KTN1: variants seen among roughly 807,000 people sequenced by gnomAD.
The protein encoded by KTN1 is kinectin.
Under a neutral mutation model 222.5 loss-of-function variants are expected in KTN1, and 130 were observed. The observed-to-expected ratio is 0.58, with a 90% CI of 0.51 to 0.68. The LOEUF is 0.68. KTN1 is among the 30% of genes least tolerant of loss of function. The probability of loss-of-function intolerance (pLI) is 0.00; values close to 1 mark genes in which losing one functional copy is unlikely to be tolerated. For synonymous variants in KTN1, 512 were observed against 496.3 expected (o/e 1.03, Z -0.42); for missense variants, 1,508 against 1,500.4 (o/e 1.01, Z -0.08).
At chr14:55,589,369 GCTCACTGCAACCTCTGA>G (rs1442188177) in intron 1 of KTN1, among the ~76,000 whole-genome samples, 14 of 151,960 alleles carry the variant, frequency 9.2e-5, no homozygotes, top group African/African-American at 3.4e-4. Flanking sequence ...TACAATCTTG[GCTCACTGCAACCTCTGA>G]CTCACTGCAA....
intron 9 of KTN1, 144 bp downstream of exon 9, chr14:55,634,802 G>A: frequency 1.7e-6 from 1 of 605,068 alleles, no homozygotes; most frequent in Non-Finnish European, 2.7e-6. Flanking sequence ...ACATGGCTGG[G>A]GAGGCCTCAG....
chr14:55,639,883 T>C, intron 13 of KTN1, 30 bp from the exon 14 acceptor site: 2 of 1,325,984 alleles, frequency 1.5e-6, no homozygotes, highest in Non-Finnish European at 2.2e-6. Context: ...TGAATGTTTA[T>C]TGAATGTACA....
At chr14:55,681,857 C>T (rs567667924) in intron 43 of KTN1, 22 of 152,166 alleles carry the variant, frequency 1.4e-4, no homozygotes, top group African/African-American at 5.1e-4. Flanking sequence ...TTCTTTATAC[C>T]CGTTAAATGT....
chr14:55,629,852 C>T (rs1483627862), intron 6 of KTN1, 105 bp from the exon 7 acceptor site: 1 of 795,406 alleles, frequency 1.3e-6, no homozygotes, highest in Non-Finnish European at 2.1e-6. Flanking sequence ...TTTTATCATT[C>T]ATGATTATTT....
chr14:55,638,320 GA>G (rs956022676), intron 12 of KTN1, among the ~76,000 whole-genome samples: 2 of 151,876 alleles, frequency 1.3e-5, no homozygotes, highest in African/African-American at 4.8e-5. Flanking sequence ...GTTTTCAAGT[GA>G]TAGTGTAAGA....
chr14:55,661,885 G>A, intron 32 of KTN1: 1 of 227,588 alleles, frequency 4.4e-6, no homozygotes, highest in Non-Finnish European at 8.4e-6. Context: ...AGCTAAAAAT[G>A]CAATTGACTT....
intron 1 of KTN1, among the ~76,000 whole-genome samples, chr14:55,611,293 G>A (rs2037532312): frequency 6.8e-6 from 1 of 147,650 alleles, no homozygotes; most frequent in Non-Finnish European, 1.5e-5. Flanking sequence ...GTAAAGGCAG[G>A]GTTTCGCCAT....
At chr14:55,599,643 T>C (rs1336342967) in intron 1 of KTN1, among the ~76,000 whole-genome samples, 2 of 152,074 alleles carry the variant, frequency 1.3e-5, no homozygotes, top group African/African-American at 4.8e-5. Context: ...GCTCGGCTAA[T>C]TTTTTGTAGT....
rs45568632 is a variant in KTN1 at position 55,661,326 on chromosome 14, C to G, written c.3000-196C>G. The G allele has an allele frequency of 7.7e-3, 3,537 of 460,938 alleles. 38 individuals are homozygous for G. Among genetic ancestry groups the G allele is most frequent in the Non-Finnish European group, 7.7e-3 (2,019 of 260,552 alleles). The allele number at this position is 460,938 out of a possible 1,614,324, so 28.6% of individuals were successfully genotyped here. A position where few individuals can be genotyped will look rare whatever the true frequency, so the allele number is the denominator to read the frequency against. ...GAGCATACCATATTAGGCATAAAAA[C>G]TTATATTAGAAATCATTTCTGAAAT... On this transcript the variant is annotated intron_variant, in intron 31 of 43. Transcript: ENST00000395314.
At chr14:55,672,845 A>G (rs919505811) in intron 38 of KTN1, 84 bp from the exon 39 acceptor site, 1 of 1,157,170 alleles carries the variant, frequency 8.6e-7, no homozygotes, top group Admixed American at 1.8e-5. Flanking sequence ...TTTTATATTC[A>G]TAAGTGTCAT....
chr14:55,596,154 C>CAAAAAAAAAAAAAAAAAAAAAAA (rs71448460), intron 1 of KTN1, among the ~76,000 whole-genome samples: 1 of 61,132 alleles, frequency 1.6e-5, no homozygotes, highest in Non-Finnish European at 3.0e-5. Flanking sequence ...GACTCAATAG[C>CAAAAAAAAAAAAAAAAAAAAAAA]AAAAAAAAAA....
At chr14:55,585,284 G>A (rs540887430) in intron 1 of KTN1, among the ~76,000 whole-genome samples, 113 of 152,260 alleles carry the variant, frequency 7.4e-4, no homozygotes, top group Admixed American at 1.2e-3. Context: ...GAGCTGCTTG[G>A]TGGAAGGAAT....
intron 28 of KTN1, among the ~76,000 whole-genome samples, chr14:55,654,293 C>G (rs2043228053): frequency 6.6e-6 from 1 of 151,922 alleles, no homozygotes; most frequent in Non-Finnish European, 1.5e-5. Context: ...AAAGAAGTGC[C>G]CCGTTTTAAA....
Position 55,646,600 on chromosome 14 carries a change from T to G in KTN1, c.2173-373T>G, listed in dbSNP as rs1267551370. On this transcript the variant is annotated intron_variant, in intron 18 of 43. Coordinates refer to ENST00000395314, the MANE Select transcript of KTN1 (RefSeq NM_001079521.2). ...TTTCCTTCTCTTTTCTTCTTTTCTT[T>G]CTTTTTTTTTGGACTTGCGAGGTCT... 4.8e-4 allele frequency among the ~76,000 whole-genome samples: 72 copies of G among 151,026 alleles called. 1 individual carries two copies. Among genetic ancestry groups the G allele is most frequent in the Admixed American group, 4.7e-3 (71 of 15,040 alleles).
chr14:55,650,472 A>G, intron 23 of KTN1, 54 bp downstream of exon 23: 1 of 1,510,160 alleles, frequency 6.6e-7, no homozygotes, highest in Non-Finnish European at 9.2e-7. Context: ...ACTTTAGTTA[A>G]TATCATTTAA....
intron 34 of KTN1, among the ~76,000 whole-genome samples, chr14:55,669,388 T>TA (rs1451381866): frequency 1.3e-5 from 2 of 152,114 alleles, no homozygotes; most frequent in Admixed American, 6.6e-5. Flanking sequence ...AGAAATGTAC[T>TA]AAACTTTCTA....
At position 55,612,195 on chromosome 14, in the gene KTN1, T is replaced by C. The variant is rs1392136934; in HGVS notation, c.147T>C (p.Pro49=). The part of the protein sequence containing the change: ...AKQKREQKLI[P]TKTDKKKAEK... Reference sequence around the variant, plus strand: ...AGAAAAGAGAACAAAAGCTTATTCCTACCAAAACAGATAAAAAGAAAGCAG... The same window carrying C: ...AGAAAAGAGAACAAAAGCTTATTCCCACCAAAACAGATAAAAAGAAAGCAG... Residue 49 remains proline (P), a synonymous_variant, in exon 2 of 44, where the codon CCT becomes CCC. Coordinates refer to ENST00000395314, the MANE Select transcript of KTN1 (RefSeq NM_001079521.2). 1 of 1,587,006 alleles carries C rather than the reference T, an allele frequency of 6.3e-7. No individual in the cohort carries two copies. Among genetic ancestry groups the C allele is most frequent in the Non-Finnish European group, 8.5e-7 (1 of 1,173,232 alleles).
At position 55,639,974 on chromosome 14, in the gene KTN1, C is replaced by T. The variant is rs201463810; in HGVS notation, c.1885C>T (p.Arg629Cys). The change falls in exon 14 of 44, where the codon CGT becomes TGT. Residue 629 changes from arginine to cysteine, a missense_variant. Physicochemically the swap from Arg to Cys is radical, Grantham distance 180 (BLOSUM62 -3). Transcript: ENST00000395314. ...TEDSLASERD[R>C]LTSKEEELKD... ...AGATTCTTTAGCAAGTGAACGTGATCGTTTAACAAGTAAAGAAGAGGAACT... is the reference window on the plus strand; with the variant it reads ...AGATTCTTTAGCAAGTGAACGTGATTGTTTAACAAGTAAAGAAGAGGAACT... 95 of 1,605,422 alleles carry T rather than the reference C, an allele frequency of 5.9e-5. No individual in the cohort carries two copies. The highest frequency in any genetic ancestry group is 1.7e-4 in the Middle Eastern group (1 of 6,050).
At chr14:55,637,405 G>C (rs1410387582) in intron 11 of KTN1, 41 bp downstream of exon 11, 13 of 1,368,164 alleles carry the variant, frequency 9.5e-6, no homozygotes, top group Non-Finnish European at 1.2e-5. Context: ...AAATACAGGT[G>C]GTCACTTATT....
Sources: gnomAD v4.1 joint callset for allele counts (sites outside exome capture counted in the v4.1 genomes callset) on GRCh38, gnomAD v4.1.1 for gene constraint, MANE v1.5 for transcripts, NCBI Gene and HGNC (gene_info 2026-07-23, HGNC 2026-07-21) for gene names.